The following GPC6 variants were observed in gnomAD, a reference collection of about 807,000 sequenced individuals.
GPC6 encodes glypican-6.
Under a neutral mutation model 55.2 loss-of-function variants are expected in GPC6, and 14 were observed. The ratio of observed to expected loss-of-function variants is 0.25; its 90% CI spans 0.17 to 0.40. GPC6 has a LOEUF of 0.40. Among genes scored for constraint, GPC6 ranks in the 10% least tolerant of loss-of-function variants. The pLI is 1.00. For missense variants in GPC6, 641 were observed against 708.5 expected (o/e 0.90, Z 1.08); for synonymous variants, 278 against 259.6 (o/e 1.07, Z -0.68).
intron 4 of GPC6, among the ~76,000 whole-genome samples, chr13:94,205,422 G>A (rs769039519): frequency 6.0e-4 from 92 of 152,152 alleles, no homozygotes; most frequent in Non-Finnish European, 7.5e-4. Context: ...TTTATTTGAT[G>A]TTTATCTTGT....
At chr13:94,254,725 C>T (rs995754968) in intron 4 of GPC6, among the ~76,000 whole-genome samples, 10 of 151,538 alleles carry the variant, frequency 6.6e-5, no homozygotes, top group Non-Finnish European at 1.5e-4. Flanking sequence ...TCTTTTTTGG[C>T]CCAGAAAGTA....
chr13:93,340,906 C>T (rs1880232433), intron 1 of GPC6, among the ~76,000 whole-genome samples: 1 of 151,976 alleles, frequency 6.6e-6, no homozygotes, highest in Non-Finnish European at 1.5e-5. Flanking sequence ...ATATACTGTA[C>T]CCGATATATA....
chr13:93,787,927 C>T (rs1885865915), intron 2 of GPC6, among the ~76,000 whole-genome samples: 1 of 152,148 alleles, frequency 6.6e-6, no homozygotes. Flanking sequence ...AATTTTGAGA[C>T]ATTCATTGCA....
intron 4 of GPC6, among the ~76,000 whole-genome samples, chr13:94,203,289 A>G (rs1226154293): frequency 6.6e-6 from 1 of 151,754 alleles, no homozygotes; most frequent in Non-Finnish European, 1.5e-5. Context: ...AGGTTTTACT[A>G]GATTATATGT....
intron 1 of GPC6, among the ~76,000 whole-genome samples, chr13:93,446,964 G>T (rs4270038): frequency 0.69 from 104,489 of 151,782 alleles, 36,670 homozygotes; most frequent in East Asian, 0.81. Flanking sequence ...TAATTTTTTT[G>T]GGGGGGTGGG....
Position 93,656,412 on chromosome 13 carries a change from T to A in GPC6, c.319+110991T>A, listed in dbSNP as rs553020043. On this transcript the variant is annotated intron_variant, in intron 2 of 8. Transcript: ENST00000377047. ...AAAGCAGCATTTATTTCATCATTAC[T>A]ATAATGCTATCTCTCCTATACCTGG... Among the ~76,000 whole-genome samples the A allele has an allele frequency of 1.1e-3, 170 of 152,296 alleles. 1 individual carries two copies. Among genetic ancestry groups the A allele is most frequent in the African/African-American group, 4.0e-3 (165 of 41,586 alleles).
At chr13:94,100,566 G>T in intron 4 of GPC6, among the ~76,000 whole-genome samples, 1 of 152,158 alleles carries the variant, frequency 6.6e-6, no homozygotes, top group East Asian at 1.9e-4. Context: ...GCTTCCTGTG[G>T]TTTCGCCTTT....
intron 1 of GPC6, among the ~76,000 whole-genome samples, chr13:93,527,661 C>A (rs1380344238): frequency 6.6e-6 from 1 of 152,000 alleles, no homozygotes; most frequent in Non-Finnish European, 1.5e-5. Context: ...ACCTCTTGCC[C>A]TTTATTAATT....
At chr13:94,393,364 T>G (rs1334009107) in intron 7 of GPC6, among the ~76,000 whole-genome samples, 1 of 152,142 alleles carries the variant, frequency 6.6e-6, no homozygotes, top group East Asian at 1.9e-4. Flanking sequence ...TCAGACGAGA[T>G]GAAGTTTTGC....
At chr13:93,341,816 C>A (rs1049764372) in intron 1 of GPC6, among the ~76,000 whole-genome samples, 15 of 150,858 alleles carry the variant, frequency 9.9e-5, no homozygotes, top group Admixed American at 2.0e-4. Flanking sequence ...TTTGCCTAAG[C>A]GAATGTCCAG....
intron 3 of GPC6, among the ~76,000 whole-genome samples, chr13:93,966,282 G>T (rs1880038721): frequency 6.6e-6 from 1 of 152,214 alleles, no homozygotes; most frequent in African/African-American, 2.4e-5. Context: ...GCCAGTGACA[G>T]AACAGATCCT....
chr13:93,494,390 A>C (rs1209963794), intron 1 of GPC6, among the ~76,000 whole-genome samples: 1 of 148,326 alleles, frequency 6.7e-6, no homozygotes, highest in Non-Finnish European at 1.5e-5. Flanking sequence ...ATCTTCCTCC[A>C]TCCTTTTATT....
At chr13:93,720,520 C>G (rs1883418392) in intron 2 of GPC6, among the ~76,000 whole-genome samples, 2 of 151,920 alleles carry the variant, frequency 1.3e-5, no homozygotes, top group Admixed American at 1.3e-4. Context: ...AGAAACAGCT[C>G]CTGGATTCAT....
At chr13:93,882,362 G>C (rs915605290) in intron 3 of GPC6, among the ~76,000 whole-genome samples, 4 of 151,892 alleles carry the variant, frequency 2.6e-5, no homozygotes, top group Admixed American at 6.6e-5. Context: ...GCCCAGGCTG[G>C]TCTCAAACTC....
intron 1 of GPC6, among the ~76,000 whole-genome samples, chr13:93,253,688 A>C (rs1282932863): frequency 1.3e-5 from 2 of 152,142 alleles, no homozygotes; most frequent in African/African-American, 4.8e-5. Flanking sequence ...TTATATAGTT[A>C]ATATGGAGGC....
chr13:94,044,452 A>G (rs1883651969), intron 4 of GPC6, among the ~76,000 whole-genome samples: 1 of 151,858 alleles, frequency 6.6e-6, no homozygotes, highest in Non-Finnish European at 1.5e-5. Flanking sequence ...GGTTAATTGT[A>G]GAAGTTATTC....
At chr13:93,366,660 A>G (rs1184739839) in intron 1 of GPC6, among the ~76,000 whole-genome samples, 1 of 152,110 alleles carries the variant, frequency 6.6e-6, no homozygotes, top group Non-Finnish European at 1.5e-5. Context: ...TAGGGGAAAG[A>G]AACTCATTCA....
At chr13:93,269,319 T>C (rs1877430385) in intron 1 of GPC6, among the ~76,000 whole-genome samples, 1 of 152,168 alleles carries the variant, frequency 6.6e-6, no homozygotes, top group Non-Finnish European at 1.5e-5. Flanking sequence ...TTAAGACAGA[T>C]GTATAAAGCC....
chr13:93,974,340 G>A (rs1880424073), intron 3 of GPC6, among the ~76,000 whole-genome samples: 1 of 152,116 alleles, frequency 6.6e-6, no homozygotes, highest in South Asian at 2.1e-4. Flanking sequence ...ACAGAGAAAA[G>A]GTCAAAATAA....
Sources: gnomAD v4.1 joint callset for allele counts (sites outside exome capture counted in the v4.1 genomes callset) on GRCh38, gnomAD v4.1.1 for gene constraint, MANE v1.5 for transcripts, NCBI Gene and HGNC (gene_info 2026-07-23, HGNC 2026-07-21) for gene names.